DOT1L: variants seen among roughly 807,000 people sequenced by gnomAD.
DOT1L encodes histone-lysine N-methyltransferase, H3 lysine-79 specific.
DOT1L carries 33 observed loss-of-function variants against 153.3 expected under a neutral mutation model. That is an observed-to-expected ratio of 0.22 (90% CI 0.16 to 0.29). DOT1L has a LOEUF of 0.29. Ranked by LOEUF, DOT1L falls within the 10% of genes least tolerant of loss-of-function variation. The pLI is 1.00. For synonymous variants in DOT1L, 1,135 were observed against 965.1 expected, an observed-to-expected ratio of 1.18 and a Z score of -3.26; for missense variants, 1,847 against 2,119.9, an observed-to-expected ratio of 0.87 and a Z score of 2.53.
chr19:2,201,408 C>T (rs920906549), intron 8 of DOT1L, among the ~76,000 whole-genome samples: 9 of 152,158 alleles, frequency 5.9e-5, no homozygotes, highest in South Asian at 4.1e-4. Flanking sequence ...TCGTCCTCCC[C>T]GCACCCTCGC....
intron 19 of DOT1L, 153 bp from the exon 20 acceptor site, chr19:2,216,128 C>G: frequency 8.5e-7 from 1 of 1,171,694 alleles, no homozygotes; most frequent in Non-Finnish European, 1.2e-6. Flanking sequence ...AGCTTCCCGA[C>G]CCCGCCTCTA....
chr19:2,204,974 A>ATT lies in DOT1L; in HGVS notation c.788-1743_788-1742dup, dbSNP rs1296544097. Among the ~76,000 whole-genome samples the ATT allele has an allele frequency of 4.8e-5, 7 of 144,832 alleles. No individual in the cohort carries two copies. The highest frequency in any genetic ancestry group is 1.4e-4 in the Admixed American group (2 of 14,530). ...TTAAATGGATCCACTTTGACTTTTA[A>ATT]TTTTTTTTTTTTTGGAGACGGAGTC... On this transcript the variant is annotated intron_variant, in intron 9 of 27. Coordinates refer to ENST00000398665, the MANE Select transcript of DOT1L (RefSeq NM_032482.3). This position sits in a 1 kb window ranked among gnomAD's most constrained non-coding sequence, Gnocchi z 5.7.
intron 1 of DOT1L, among the ~76,000 whole-genome samples, chr19:2,167,359 T>C (rs1298521788): frequency 1.3e-5 from 2 of 152,230 alleles, no homozygotes; most frequent in Non-Finnish European, 1.5e-5. Context: ...TCCTTGGTAC[T>C]GAAGTGAACA....
chr19:2,214,102 T>C, intron 18 of DOT1L, 116 bp downstream of exon 18: 1 of 1,452,812 alleles, frequency 6.9e-7, no homozygotes, highest in Non-Finnish European at 9.2e-7. Flanking sequence ...TGGGGTTTGT[T>C]CCCAGACGAA....
At position 2,193,604 on chromosome 19, in the gene DOT1L, TGTG is replaced by T. The variant is rs1301295494; in HGVS notation, c.494-83_494-81del. 7.5e-7 allele frequency: 1 copy of T among 1,339,322 alleles called. No homozygotes were observed. Among genetic ancestry groups the T allele is most frequent in the African/African-American group, 1.4e-5 (1 of 69,570 alleles). The allele number at this position is 1,339,322 out of a possible 1,614,324, so 83.0% of individuals were successfully genotyped here. A position where few individuals can be genotyped will look rare whatever the true frequency, so the allele number is the denominator to read the frequency against. The stretch of plus-strand genomic sequence containing the variant: ...CTGTGGGTCTTCATGGCCGCATTCT[TGTG>T]GCCTCTGTCTCCGAGCCTAGCACGG... On this transcript the variant is annotated intron_variant, in intron 5 of 27. Transcript: ENST00000398665. This position sits in a 1 kb window ranked among gnomAD's most constrained non-coding sequence, Gnocchi z 5.9.
Position 2,209,643 on chromosome 19 carries a change from G to T in DOT1L, c.1005+667G>T, listed in dbSNP as rs151244178. On this transcript the variant is annotated intron_variant, in intron 12 of 27. Coordinates refer to ENST00000398665, the MANE Select transcript of DOT1L (RefSeq NM_032482.3). The stretch of plus-strand genomic sequence containing the variant: ...GGGAGCCACAGTGGCCGCCCTGCCC[G>T]CTGGCGCTTCTGCAGCCTCAGACCT... Among the ~76,000 whole-genome samples, 66 of 152,380 alleles carry T rather than the reference G, an allele frequency of 4.3e-4. No homozygotes were observed. The East Asian group carries it at 0.011, about 26-fold the overall frequency.
intron 22 of DOT1L, among the ~76,000 whole-genome samples, chr19:2,218,214 C>G (rs957083674): frequency 2.6e-5 from 4 of 152,212 alleles, no homozygotes; most frequent in Non-Finnish European, 5.9e-5. Flanking sequence ...CCTCACGAGG[C>G]CACATTGGCT....
At position 2,209,037 on chromosome 19, in the gene DOT1L, C is replaced by CA. The variant is rs2023611539; in HGVS notation, c.1005+64dup. 35 of 1,575,344 alleles carry CA rather than the reference C, an allele frequency of 2.2e-5. No individual in the cohort carries two copies. In the South Asian group the frequency reaches 3.7e-4, roughly 17 times the overall value. ...ACGCATGCACTGATGTGGGGAAATG[C>CA]AAAGCCGTGCGCAGCCGGGTTCAGG... On this transcript the variant is annotated intron_variant, in intron 12 of 27. Coordinates refer to ENST00000398665, the MANE Select transcript of DOT1L (RefSeq NM_032482.3).
At position 2,232,117 on chromosome 19, in the gene DOT1L, G is replaced by A. The variant is rs1189977058; in HGVS notation, c.*2325G>A. ...AGCCTGGTGCTGGCACCTGGCCTGA[G>A]TTTCCGTGGGCAGCTGGCGGGGACC... On this transcript the variant is annotated 3_prime_UTR_variant, in exon 28 of 28. Transcript: ENST00000398665. The A allele has an allele frequency of 9.2e-6, 2 of 217,716 alleles. No individual in the cohort carries two copies. Among genetic ancestry groups the A allele is most frequent in the Non-Finnish European group, 9.2e-6 (1 of 108,352 alleles). 13.5% of individuals were successfully genotyped at this position (217,716 alleles called of 1,614,324 possible).
intron 1 of DOT1L, among the ~76,000 whole-genome samples, chr19:2,173,655 A>C (rs1054940513): frequency 6.6e-6 from 1 of 152,230 alleles, no homozygotes; most frequent in Non-Finnish European, 1.5e-5. Context: ...CGGCCCTCTC[A>C]GTACAGCGGG....
In DOT1L at chr19:2,230,576, G is replaced by C. The variant is rs548054763; in HGVS notation, c.*784G>C. On this transcript the variant is annotated 3_prime_UTR_variant, in exon 28 of 28. Coordinates refer to ENST00000398665, the MANE Select transcript of DOT1L (RefSeq NM_032482.3). Reference sequence around the variant, plus strand: ...GTCCATGGCTCGCAGCATGCCCTGCGATGCGGGGCAGGCCTGTCGTGGGTC... The same window carrying C: ...GTCCATGGCTCGCAGCATGCCCTGCCATGCGGGGCAGGCCTGTCGTGGGTC... 2 of 398,732 alleles carry C rather than the reference G, an allele frequency of 5.0e-6. No homozygotes were observed. The highest frequency in any genetic ancestry group is 8.8e-5 in the Admixed American group (2 of 22,746). 24.7% of individuals were successfully genotyped at this position (398,732 alleles called of 1,614,324 possible).
chr19:2,202,673 G>A (rs780187452), intron 8 of DOT1L, 27 bp from the exon 9 acceptor site: 6 of 1,609,984 alleles, frequency 3.7e-6, no homozygotes, highest in Non-Finnish European at 5.1e-6. Flanking sequence ...AGCCTTCATG[G>A]CACTGAACTG....
At position 2,194,503 on chromosome 19, in the gene DOT1L, C is replaced by G. The variant is rs757845715; in HGVS notation, c.589-12C>G. 5.0e-6 allele frequency: 8 copies of G among 1,611,980 alleles called. No homozygotes were observed. The highest frequency in any genetic ancestry group is 6.8e-6 in the Non-Finnish European group (8 of 1,179,192). ...AGAGTTTGTAACGGGCGTTTGGTTTCTTTCCTTCCAGACCATGGACCGCGA... is the reference window on the plus strand; with the variant it reads ...AGAGTTTGTAACGGGCGTTTGGTTTGTTTCCTTCCAGACCATGGACCGCGA... On this transcript the variant is annotated splice_polypyrimidine_tract_variant and intron_variant, in intron 6 of 27. Coordinates refer to ENST00000398665, the MANE Select transcript of DOT1L (RefSeq NM_032482.3).
chr19:2,172,220 C>T (rs1378189927), intron 1 of DOT1L, among the ~76,000 whole-genome samples: 5 of 149,942 alleles, frequency 3.3e-5, no homozygotes, highest in East Asian at 3.9e-4. Context: ...GACGGAGTCT[C>T]GCTCTGTGGC....
In DOT1L at chr19:2,183,987, C is replaced by T. The variant is rs73514460; in HGVS notation, c.126-1868C>T. Among the ~76,000 whole-genome samples, 920 of 151,572 alleles carry T rather than the reference C, an allele frequency of 6.1e-3. 7 individuals carry two copies. The highest frequency in any genetic ancestry group is 0.021 in the African/African-American group (861 of 41,514). ...GCTGCTAGTATGTGTAAAGACTGCT[C>T]CCTTTTGCCTATCGGCCATGCCCCT... is the stretch of plus-strand genomic sequence containing the variant. On this transcript the variant is annotated intron_variant, in intron 2 of 27. Coordinates refer to ENST00000398665, the MANE Select transcript of DOT1L (RefSeq NM_032482.3).
rs1484178823 is a variant in DOT1L, at chr19:2,207,037, G to A, written c.856+240G>A. Among the ~76,000 whole-genome samples, 1 of 152,202 alleles carries A rather than the reference G, an allele frequency of 6.6e-6. No individual in the cohort carries two copies. ...TCCCCATAGAGCACTGTGTGCCATGGGGGTAGAATCACTCCTCGGGGAGAC... is the reference window on the plus strand; with the variant it reads ...TCCCCATAGAGCACTGTGTGCCATGAGGGTAGAATCACTCCTCGGGGAGAC... On this transcript the variant is annotated intron_variant, in intron 10 of 27. Transcript: ENST00000398665. The surrounding 1 kb of genome is among the most constrained non-coding windows in gnomAD (Gnocchi z 4.5).
chr19:2,214,082 G>T, intron 18 of DOT1L, 96 bp downstream of exon 18: 1 of 1,495,308 alleles, frequency 6.7e-7, no homozygotes, highest in Non-Finnish European at 9.0e-7. Context: ...TGGAAGGCCC[G>T]CCTCTGTTGT....
Position 2,226,902 on chromosome 19 carries a change from C to T in DOT1L, c.4381C>T (p.His1461Tyr). The change falls in exon 27 of 28, where the codon CAC (histidine) becomes TAC (tyrosine). Residue 1461 changes from histidine (H) to tyrosine (Y), a missense_variant. Physicochemically the swap from His to Tyr is moderately conservative, Grantham distance 83. This residue lies in a region of DOT1L where 934 missense variants were observed against 825.3 expected (regional missense o/e 1.13). Coordinates refer to ENST00000398665, the MANE Select transcript of DOT1L (RefSeq NM_032482.3). Reference sequence around the variant, plus strand: ...CGGCGCGGCGTCCTCCGCCCAGACGCACCGGTCCTTCCTGGGCCCCTTCCC... The same window carrying T: ...CGGCGCGGCGTCCTCCGCCCAGACGTACCGGTCCTTCCTGGGCCCCTTCCC... Reference protein sequence around the residue: ...AGGAASSAQTHRSFLGPFPPG... With the variant: ...AGGAASSAQTYRSFLGPFPPG... The T allele has an allele frequency of 1.3e-6, 2 of 1,579,082 alleles. No individual in the cohort carries two copies. Among genetic ancestry groups the T allele is most frequent in the Non-Finnish European group, 1.7e-6 (2 of 1,171,362 alleles).
intron 1 of DOT1L, among the ~76,000 whole-genome samples, chr19:2,166,018 C>T (rs940290406): frequency 6.6e-6 from 1 of 152,110 alleles, no homozygotes; most frequent in South Asian, 2.1e-4. Context: ...GATCCACCCA[C>T]CTCGGCCTCC....
Sources: gnomAD v4.1 joint callset for allele counts (sites outside exome capture counted in the v4.1 genomes callset) on GRCh38, gnomAD v4.1.1 for gene constraint, gnomAD v4.1.1 regional missense constraint, Gnocchi (gnomAD v3.1) non-coding constraint, MANE v1.5 for transcripts, NCBI Gene and HGNC (gene_info 2026-07-23, HGNC 2026-07-21) for gene names.